SH3D19: variants seen among roughly 807,000 people sequenced by gnomAD.
SH3D19 encodes SH3 domain containing 19.
A neutral mutation model predicts 112.1 loss-of-function variants in SH3D19; 58 were observed. That is an observed-to-expected ratio of 0.52 (90% confidence interval 0.42 to 0.64). The LOEUF is 0.64. Ranked by LOEUF, SH3D19 falls within the 30% of genes least tolerant of loss-of-function variation. The pLI is 0.00. For synonymous variants in SH3D19, 391 were observed against 448.5 expected, an observed-to-expected ratio of 0.87 and a Z score of 1.62; for missense variants, 1,090 against 1,263.4, an observed-to-expected ratio of 0.86 and a Z score of 2.08.
intron 18 of SH3D19, 61 bp from the exon 19 acceptor site, chr4:151,127,776 C>T (rs1749730449): frequency 1.0e-6 from 1 of 998,028 alleles, no homozygotes; most frequent in Non-Finnish European, 1.4e-6. Flanking sequence ...ACAAATCTAA[C>T]ATTTTTTAAA....
intron 1 of SH3D19, among the ~76,000 whole-genome samples, chr4:151,258,859 GTGC>G (rs1210409927): frequency 3.3e-5 from 5 of 152,114 alleles, no homozygotes; most frequent in Non-Finnish European, 7.4e-5. Context: ...GGGGCAGGGA[GTGC>G]TGGCCCTCAG....
At chr4:151,198,461 C>A (rs1372129018) in intron 2 of SH3D19, among the ~76,000 whole-genome samples, 1 of 143,294 alleles carries the variant, frequency 7.0e-6, no homozygotes, top group African/African-American at 2.6e-5. Context: ...ATATATTTAT[C>A]TTTATATATA....
intron 1 of SH3D19, among the ~76,000 whole-genome samples, chr4:151,290,837 T>G (rs1393995535): frequency 1.3e-5 from 2 of 152,222 alleles, no homozygotes; most frequent in Non-Finnish European, 2.9e-5. Context: ...TAAATTTATC[T>G]TTAGTGAAAA....
intron 1 of SH3D19, chr4:151,291,392 C>T (rs375104556): frequency 1.2e-6 from 2 of 1,613,906 alleles, no homozygotes; most frequent in African/African-American, 1.3e-5. Context: ...GTAGCTGAAG[C>T]TGTTGCTTGC....
At chr4:151,123,531 C>A (rs537739801) in intron 19 of SH3D19, among the ~76,000 whole-genome samples, 1 of 152,122 alleles carries the variant, frequency 6.6e-6, no homozygotes, top group African/African-American at 2.4e-5. Context: ...GGCACGATCT[C>A]GGCTCACTGC....
At chr4:151,290,971 T>C (rs1018176093) in intron 1 of SH3D19, 3 of 584,878 alleles carry the variant, frequency 5.1e-6, no homozygotes, top group Non-Finnish European at 9.0e-6. Context: ...GATATCTCCC[T>C]AAAGCAGTGA....
At chr4:151,211,463 T>C (rs1476877047) in intron 2 of SH3D19, among the ~76,000 whole-genome samples, 2 of 152,070 alleles carry the variant, frequency 1.3e-5, no homozygotes, top group Non-Finnish European at 2.9e-5. Flanking sequence ...TTGCACTTCC[T>C]TCATTTTAAG....
intron 1 of SH3D19, chr4:151,262,654 A>G (rs535958335): frequency 6.8e-6 from 1 of 147,306 alleles, no homozygotes; most frequent in South Asian, 2.2e-4. Context: ...CCTTTGCTCT[A>G]TGTACTGTCT....
At chr4:151,227,934 G>A (rs1454193305) in intron 1 of SH3D19, 2 of 985,290 alleles carry the variant, frequency 2.0e-6, no homozygotes, top group African/African-American at 3.5e-5. Context: ...ACAAGACTCA[G>A]TATCCAAGGG....
Position 151,165,613 on chromosome 4 carries a change from G to A in SH3D19, c.1618C>T (p.Arg540Ter), listed in dbSNP as rs1421700637. 2.5e-6 allele frequency: 4 copies of A among 1,614,026 alleles called. No homozygotes were observed. Among genetic ancestry groups the A allele is most frequent in the Non-Finnish European group, 3.4e-6 (4 of 1,179,948 alleles). ...CATTTTCCTGGTTTGGCTGGAATTC[G>A]AATTACAGTGGGCTTCCTGGTGGGT... ...PAPTRKPTVI[R>*]IPAKPGKCLH... The change falls in exon 8 of 20, where the codon CGA (arginine) becomes TGA (stop). Residue 540 changes from arginine (R) to a stop codon, truncating the protein, a stop_gained. Transcript: ENST00000604030. LOFTEE classifies it high-confidence loss of function.
chr4:151,252,131 G>A (rs751838982), intron 1 of SH3D19, among the ~76,000 whole-genome samples: 2 of 152,126 alleles, frequency 1.3e-5, no homozygotes, highest in Non-Finnish European at 1.5e-5. Flanking sequence ...CACCATTGCA[G>A]CACTATTTGC....
At chr4:151,307,021 T>C (rs933192549) in intron 1 of SH3D19, among the ~76,000 whole-genome samples, 8 of 148,722 alleles carry the variant, frequency 5.4e-5, no homozygotes, top group African/African-American at 9.9e-5. Context: ...TGACTTCTTT[T>C]TTTTTTTTTT....
At chr4:151,146,519 G>A (rs1241049398) in intron 11 of SH3D19, among the ~76,000 whole-genome samples, 1 of 151,636 alleles carries the variant, frequency 6.6e-6, no homozygotes, top group Admixed American at 6.6e-5. Flanking sequence ...CACATCAACT[G>A]TTTTTGTTGT....
At chr4:151,198,383 A>AAC (rs33979669) in intron 2 of SH3D19, among the ~76,000 whole-genome samples, 116,334 of 140,374 alleles carry the variant, frequency 0.83, 49,788 homozygotes, top group Non-Finnish European at 0.95. Context: ...AAAATTATAT[A>AAC]ATATATAATA....
At chr4:151,225,363 A>C (rs2149947121) in intron 2 of SH3D19, among the ~76,000 whole-genome samples, 1 of 152,370 alleles carries the variant, frequency 6.6e-6, no homozygotes, top group South Asian at 2.1e-4. Context: ...CCTGCCTATG[A>C]GAAGTCAGAC....
At position 151,128,278 on chromosome 4, in the gene SH3D19, T is replaced by A. The variant is rs749347446; in HGVS notation, c.2821A>T (p.Arg941Trp). Reference protein sequence around the residue: ...AETSDDLSFKRGDRIQILERL... With the variant: ...AETSDDLSFKWGDRIQILERL... ...TCCAGAATCTGGATCCGGTCTCCCC[T>A]CTTGAATGATAAGTCATCACTGGTC... Residue 941 changes from arginine (R) to tryptophan (W), a missense_variant, in exon 18 of 20, where the codon AGG becomes TGG. Transcript: ENST00000604030. 23 of 1,614,028 alleles carry A rather than the reference T, an allele frequency of 1.4e-5. No homozygotes were observed. In the Admixed American group the frequency reaches 3.3e-4, roughly 23 times the overall value.
At chr4:151,226,903 T>C (rs892414076) in intron 1 of SH3D19, among the ~76,000 whole-genome samples, 2 of 152,162 alleles carry the variant, frequency 1.3e-5, no homozygotes, top group African/African-American at 2.4e-5. Context: ...AAGAGAACCA[T>C]AAAACCCACA....
At chr4:151,296,034 C>CAAA (rs35741045) in intron 1 of SH3D19, among the ~76,000 whole-genome samples, 6 of 125,060 alleles carry the variant, frequency 4.8e-5, no homozygotes, top group African/African-American at 2.1e-4. Context: ...GGCTCCGTCT[C>CAAA]AAAAAAAAAA....
intron 16 of SH3D19, among the ~76,000 whole-genome samples, chr4:151,132,594 A>G (rs1311754665): frequency 1.3e-5 from 2 of 152,214 alleles, no homozygotes; most frequent in South Asian, 2.1e-4. Context: ...TATAGTCTAT[A>G]TACATTAGTA....
Sources: gnomAD v4.1 joint callset for allele counts (sites outside exome capture counted in the v4.1 genomes callset) on GRCh38, gnomAD v4.1.1 for gene constraint, MANE v1.5 for transcripts, NCBI Gene and HGNC (gene_info 2026-07-23, HGNC 2026-07-21) for gene names.